Variants in FAM120C observed in about 807,000 individuals in gnomAD.
The protein encoded by FAM120C is constitutive coactivator of PPAR-gamma-like protein 2.
In FAM120C, 14 loss-of-function variants were observed where a neutral mutation model predicts 71.2. The ratio of observed to expected loss-of-function variants is 0.20; its 90% CI spans 0.13 to 0.31. FAM120C has a LOEUF of 0.31. FAM120C is among the 10% of genes least tolerant of loss of function. The pLI, the probability that FAM120C is intolerant of heterozygous loss-of-function variation, is 1.00. For synonymous variants in FAM120C, 354 were observed against 353.2 expected, an observed-to-expected ratio of 1.00 and a Z score of -0.03; for missense variants, 500 against 879.0, an observed-to-expected ratio of 0.57 and a Z score of 5.45.
At chrX:54,169,393 A>G (rs782347601) in intron 1 of FAM120C, among the ~76,000 whole-genome samples, 1 of 112,259 alleles carries the variant, frequency 8.9e-6, no homozygotes, top group Admixed American at 9.5e-5. Context: ...CAAGTAATAC[A>G]ATAAACACAA....
chrX:54,174,718 A>G (rs981882448), intron 1 of FAM120C, among the ~76,000 whole-genome samples: 1 of 112,476 alleles, frequency 8.9e-6, no homozygotes, highest in Non-Finnish European at 1.9e-5. Context: ...ATCCTGGTGA[A>G]CACTACTGAT....
At chrX:54,146,049 T>C (rs1273358170) in intron 4 of FAM120C, among the ~76,000 whole-genome samples, 1 of 110,052 alleles carries the variant, frequency 9.1e-6, no homozygotes, top group Non-Finnish European at 1.9e-5. Flanking sequence ...CAGCAAACTA[T>C]CGCAAGGACA....
chrX:54,118,283 G>A (rs1557126989), intron 9 of FAM120C, among the ~76,000 whole-genome samples: 1 of 109,461 alleles, frequency 9.1e-6, no homozygotes, highest in Non-Finnish European at 1.9e-5. Flanking sequence ...ATCCATCCAT[G>A]TTGCTGCATG....
chrX:54,130,237 T>G (rs782745921), intron 9 of FAM120C, among the ~76,000 whole-genome samples: 2 of 111,685 alleles, frequency 1.8e-5, no homozygotes, highest in African/African-American at 3.3e-5. Flanking sequence ...ATTACCCCTT[T>G]GTCCAACGCA....
intron 15 of FAM120C, among the ~76,000 whole-genome samples, chrX:54,075,040 C>T (rs1313087126): frequency 9.0e-6 from 1 of 111,418 alleles, no homozygotes; most frequent in Non-Finnish European, 1.9e-5. Flanking sequence ...CACCTGTAGT[C>T]CAAGCTACCT....
chrX:54,108,386 C>CA (rs1331279003), intron 10 of FAM120C, among the ~76,000 whole-genome samples: 5 of 109,488 alleles, frequency 4.6e-5, no homozygotes, highest in Non-Finnish European at 7.6e-5. Context: ...AATTCAATGA[C>CA]AAAAAAAATC....
intron 15 of FAM120C, among the ~76,000 whole-genome samples, chrX:54,079,555 C>G (rs1462381781): frequency 8.9e-6 from 1 of 112,041 alleles, no homozygotes; most frequent in Non-Finnish European, 1.9e-5. Context: ...TCCAGCACTT[C>G]GGGAGGCCGA....
At chrX:54,153,517 C>G (rs781926532) in intron 3 of FAM120C, among the ~76,000 whole-genome samples, 321 of 108,473 alleles carry the variant, frequency 3.0e-3, no homozygotes, top group Non-Finnish European at 5.5e-3. Flanking sequence ...AAACAATTCT[C>G]CTGCCTCAGC....
chrX:54,161,591 A>G (rs1557134429), intron 1 of FAM120C, among the ~76,000 whole-genome samples: 1 of 112,333 alleles, frequency 8.9e-6, no homozygotes, highest in Admixed American at 9.5e-5. Context: ...TTCAAAATAT[A>G]CAAACCTAAG....
At chrX:54,111,893 G>C (rs2066939209) in intron 10 of FAM120C, among the ~76,000 whole-genome samples, 1 of 112,021 alleles carries the variant, frequency 8.9e-6, no homozygotes, top group Non-Finnish European at 1.9e-5. Flanking sequence ...CTACTACAAG[G>C]CTATAGTAAC....
At chrX:54,116,364 A>G (rs1557126607) in intron 10 of FAM120C, among the ~76,000 whole-genome samples, 181 bp downstream of exon 10, 1 of 111,993 alleles carries the variant, frequency 8.9e-6, no homozygotes, top group African/African-American at 3.2e-5. Flanking sequence ...ATGGACCGAT[A>G]TGACCAAGGA....
chrX:54,091,287 C>G, intron 11 of FAM120C, 25 bp downstream of exon 11: 1 of 1,086,009 alleles, frequency 9.2e-7, no homozygotes, highest in Non-Finnish European at 1.3e-6. Flanking sequence ...AAAGAAAGAA[C>G]TTAAATGAGG....
chrX:54,087,092 A>C (rs1170145897), intron 12 of FAM120C, among the ~76,000 whole-genome samples: 1 of 110,467 alleles, frequency 9.1e-6, no homozygotes, highest in African/African-American at 3.3e-5. Context: ...AGGCAGGTGG[A>C]TCACAAGGTC....
intron 1 of FAM120C, among the ~76,000 whole-genome samples, chrX:54,167,791 C>T (rs991528114): frequency 1.1e-3 from 104 of 94,025 alleles, no homozygotes; most frequent in Middle Eastern, 5.0e-3. Flanking sequence ...ATGGTGAAAC[C>T]CCGTCTCTAT....
intron 10 of FAM120C, among the ~76,000 whole-genome samples, chrX:54,112,978 C>T (rs1410018752): frequency 9.0e-6 from 1 of 110,707 alleles, no homozygotes; most frequent in African/African-American, 3.3e-5. Flanking sequence ...AGAGATCACG[C>T]CATTGCACTC....
At chrX:54,114,757 TG>T (rs2066958632) in intron 10 of FAM120C, among the ~76,000 whole-genome samples, 1 of 107,615 alleles carries the variant, frequency 9.3e-6, no homozygotes, top group South Asian at 4.0e-4. Flanking sequence ...TTTGTTTGTT[TG>T]TTTTTTTGAG....
intron 11 of FAM120C, among the ~76,000 whole-genome samples, chrX:54,090,936 C>T (rs2066821063): frequency 9.0e-6 from 1 of 111,011 alleles, no homozygotes; most frequent in Admixed American, 9.7e-5. Flanking sequence ...TTATGCTTTC[C>T]TATACTTCTA....
intron 2 of FAM120C, 61 bp downstream of exon 2, chrX:54,159,309 A>G (rs1254614190): frequency 1.7e-6 from 2 of 1,176,671 alleles, no homozygotes; most frequent in Admixed American, 2.2e-5. Context: ...TCTAGTCCTC[A>G]TCTCTTAACA....
chrX:54,170,188 G>A (rs782432184), intron 1 of FAM120C, among the ~76,000 whole-genome samples: 1 of 111,396 alleles, frequency 9.0e-6, no homozygotes, highest in East Asian at 2.8e-4. Flanking sequence ...CCAGGCTGGA[G>A]TGCAATGACG....
Sources: gnomAD v4.1 joint callset for allele counts (sites outside exome capture counted in the v4.1 genomes callset) on GRCh38, gnomAD v4.1.1 for gene constraint, MANE v1.5 for transcripts, NCBI Gene and HGNC (gene_info 2026-07-23, HGNC 2026-07-21) for gene names.